PRKAR2B: variants seen among roughly 807,000 people sequenced by gnomAD.
PRKAR2B encodes the protein protein kinase cAMP-dependent type II regulatory subunit beta, also known as cAMP-dependent protein kinase type II-beta regulatory subunit.
PRKAR2B carries 14 observed loss-of-function variants against 49.9 expected under a neutral mutation model. The observed-to-expected ratio is 0.28, with a 90% CI of 0.19 to 0.44. The LOEUF (loss-of-function observed/expected upper bound fraction) is 0.44. Among genes scored for constraint, PRKAR2B ranks in the 20% least tolerant of loss-of-function variants. The pLI is 1.00. For missense variants in PRKAR2B, 393 were observed against 537.9 expected, an observed-to-expected ratio of 0.73 and a Z score of 2.67; for synonymous variants, 196 against 197.7, an observed-to-expected ratio of 0.99 and a Z score of 0.07.
At chr7:107,077,625 A>G (rs915879547) in intron 2 of PRKAR2B, 2 of 152,198 alleles carry the variant, frequency 1.3e-5, no homozygotes, top group African/African-American at 4.8e-5. Flanking sequence ...CCCACTGGCT[A>G]TGGATAGCAG....
At chr7:107,097,389 A>C (rs1404134012) in intron 2 of PRKAR2B, among the ~76,000 whole-genome samples, 1 of 151,762 alleles carries the variant, frequency 6.6e-6, no homozygotes, top group African/African-American at 2.4e-5. Context: ...CTTTATTATG[A>C]AGCTATGTGT....
chr7:107,112,901 A>G (rs1421157182), intron 2 of PRKAR2B, among the ~76,000 whole-genome samples: 2 of 152,106 alleles, frequency 1.3e-5, no homozygotes, highest in Admixed American at 6.5e-5. Flanking sequence ...GAGAGGCTTG[A>G]TTGAAATATG....
chr7:107,119,820 A>G (rs767542012), intron 2 of PRKAR2B, among the ~76,000 whole-genome samples: 5 of 152,124 alleles, frequency 3.3e-5, no homozygotes, highest in Admixed American at 6.6e-5. Context: ...TAAATTGGCA[A>G]TCTGGTTTCA....
In PRKAR2B at chr7:107,112,639, G is replaced by A. The variant is rs12667954; in HGVS notation, c.344-9313G>A. 5.5e-3 allele frequency among the ~76,000 whole-genome samples: 836 copies of A among 151,656 alleles called. 3 individuals carry two copies. The highest frequency in any genetic ancestry group is 0.017 in the Middle Eastern group (5 of 290). ...AGTTTGAACTCACAGAAAATAACGC[G>A]TGAAAAAAAGGCTGATGAGTTCCCC... On this transcript the variant is annotated intron_variant, in intron 2 of 10. Coordinates refer to ENST00000265717, the MANE Select transcript of PRKAR2B (RefSeq NM_002736.3).
In PRKAR2B at chr7:107,161,057, G is replaced by T. The variant is rs1458567554; in HGVS notation, c.*1475G>T. ...TGCTAGTGTAGTCTTACTAGAGAAT[G>T]TTTATGGTCCCACTTGTATATGAAA... On this transcript the variant is annotated 3_prime_UTR_variant, in exon 11 of 11. Coordinates refer to ENST00000265717, the MANE Select transcript of PRKAR2B (RefSeq NM_002736.3). 1 of 152,158 alleles carries T rather than the reference G, an allele frequency of 6.6e-6. No individual in the cohort carries two copies. The highest frequency in any genetic ancestry group is 2.4e-5 in the African/African-American group (1 of 41,436). 9.4% of individuals were successfully genotyped at this position (152,158 alleles called of 1,614,324 possible).
At chr7:107,051,871 T>C (rs990231920) in intron 1 of PRKAR2B, among the ~76,000 whole-genome samples, 1 of 152,204 alleles carries the variant, frequency 6.6e-6, no homozygotes, top group African/African-American at 2.4e-5. Context: ...CTGTATACAG[T>C]TATTCCTGTA....
At chr7:107,113,681 T>C (rs1259503571) in intron 2 of PRKAR2B, among the ~76,000 whole-genome samples, 1 of 152,212 alleles carries the variant, frequency 6.6e-6, no homozygotes, top group Non-Finnish European at 1.5e-5. Flanking sequence ...TATCTGTTTA[T>C]CTTATTCTTA....
intron 5 of PRKAR2B, 126 bp from the exon 6 acceptor site, chr7:107,146,182 A>G (rs182921258): frequency 8.1e-5 from 76 of 938,870 alleles, no homozygotes; most frequent in Non-Finnish European, 1.1e-4. Context: ...ATTCCCCTTT[A>G]TTGTCATCGG....
At chr7:107,060,970 G>A (rs1275435265) in intron 1 of PRKAR2B, among the ~76,000 whole-genome samples, 2 of 151,864 alleles carry the variant, frequency 1.3e-5, no homozygotes, top group Non-Finnish European at 2.9e-5. Context: ...CATTATTTTA[G>A]TATGCATCAT....
chr7:107,117,555 T>C (rs913793132), intron 2 of PRKAR2B, among the ~76,000 whole-genome samples: 3 of 152,186 alleles, frequency 2.0e-5, no homozygotes, highest in African/African-American at 7.2e-5. Context: ...GAGGACCCAG[T>C]GAATCGTGGA....
rs570099379 is a variant in PRKAR2B at position 107,054,474 on chromosome 7, C to T, written c.307+9260C>T. ...GTCCTGAATTCTCACTCCCCTCTCC[C>T]TGTCTTTCTGCTAAATCTCACTCTT... On this transcript the variant is annotated intron_variant, in intron 1 of 10. Coordinates refer to ENST00000265717, the MANE Select transcript of PRKAR2B (RefSeq NM_002736.3). Among the ~76,000 whole-genome samples the T allele has an allele frequency of 2.6e-5, 4 of 152,286 alleles. No individual in the cohort carries two copies. In the East Asian group the frequency reaches 7.7e-4, roughly 29 times the overall value.
At chr7:107,096,484 A>C (rs558418285) in intron 2 of PRKAR2B, among the ~76,000 whole-genome samples, 8 of 144,106 alleles carry the variant, frequency 5.6e-5, no homozygotes, top group Admixed American at 2.0e-4. Flanking sequence ...TTTTTTTTTG[A>C]AGGGTTTTTT....
intron 5 of PRKAR2B, among the ~76,000 whole-genome samples, chr7:107,143,239 A>G (rs747638016): frequency 4.6e-5 from 7 of 152,242 alleles, no homozygotes; most frequent in Non-Finnish European, 8.8e-5. Context: ...TAATCTGTAC[A>G]GCATTGCTAG....
At chr7:107,131,829 C>G (rs1455619046) in intron 4 of PRKAR2B, among the ~76,000 whole-genome samples, 1 of 152,172 alleles carries the variant, frequency 6.6e-6, no homozygotes, top group Non-Finnish European at 1.5e-5. Flanking sequence ...TTATGATACA[C>G]ATTATTTACA....
intron 4 of PRKAR2B, among the ~76,000 whole-genome samples, chr7:107,139,863 T>A (rs1350579762): frequency 4.6e-5 from 7 of 152,356 alleles, no homozygotes; most frequent in Non-Finnish European, 4.4e-5. Context: ...TTTTTTCCCC[T>A]TTGAATCTAT....
intron 2 of PRKAR2B, among the ~76,000 whole-genome samples, chr7:107,103,006 G>T (rs528252344): frequency 6.6e-6 from 1 of 152,074 alleles, no homozygotes; most frequent in Non-Finnish European, 1.5e-5. Context: ...TTACTGCATA[G>T]CTCCCTTAAA....
In PRKAR2B at chr7:107,128,468, A is replaced by G. The variant is rs531546817; in HGVS notation, c.480+173A>G. Among the ~76,000 whole-genome samples, 5 of 152,262 alleles carry G rather than the reference A, an allele frequency of 3.3e-5. No individual in the cohort carries two copies. The South Asian group carries it at 1.0e-3, about 32-fold the overall frequency. On this transcript the variant is annotated intron_variant, in intron 4 of 10. Transcript: ENST00000265717. ...CAGTAGGTTGAACTGCAGGAGAGGA[A>G]TATTGAGTTTGGGGGAATATACTGC...
chr7:107,054,988 G>C (rs932206545), intron 1 of PRKAR2B, among the ~76,000 whole-genome samples: 2 of 151,492 alleles, frequency 1.3e-5, no homozygotes, highest in Non-Finnish European at 1.5e-5. Flanking sequence ...ACAGGCCCCA[G>C]TGTGTGATGT....
intron 2 of PRKAR2B, among the ~76,000 whole-genome samples, chr7:107,092,971 A>G (rs778521494): frequency 6.6e-6 from 1 of 152,180 alleles, no homozygotes; most frequent in Non-Finnish European, 1.5e-5. Flanking sequence ...GACTCATGCA[A>G]TATTTATCCT....
Sources: allele counts gnomAD v4.1 joint callset (sites outside exome capture counted in the v4.1 genomes callset), GRCh38; gene constraint gnomAD v4.1.1; transcripts MANE v1.5; gene names NCBI Gene and HGNC (gene_info 2026-07-23, HGNC 2026-07-21).